Variants in DAAM1 observed in about 807,000 individuals in gnomAD.
The protein encoded by DAAM1 is dishevelled associated activator of morphogenesis 1.
DAAM1 carries 52 observed loss-of-function variants against 130.0 expected under a neutral mutation model. The observed-to-expected ratio is 0.40, with a 90% CI of 0.32 to 0.50. The LOEUF (loss-of-function observed/expected upper bound fraction) is 0.50. DAAM1 is among the 20% of genes least tolerant of loss of function. The probability of loss-of-function intolerance (pLI) is 0.61; values close to 1 mark genes in which losing one functional copy is unlikely to be tolerated. For missense variants in DAAM1, 1,134 were observed against 1,303.8 expected, an observed-to-expected ratio of 0.87 and a Z score of 2.01; for synonymous variants, 452 against 444.5, an observed-to-expected ratio of 1.02 and a Z score of -0.21.
chr14:59,371,108 A>T lies in DAAM1; in HGVS notation c.*2249A>T, dbSNP rs767630604. The T allele has an allele frequency of 4.0e-5, 1 of 25,232 alleles. No individual in the cohort carries two copies. The allele number at this position is 25,232 out of a possible 1,614,324, so 1.6% of individuals were successfully genotyped here. A position where few individuals can be genotyped will look rare whatever the true frequency, so the allele number is the denominator to read the frequency against. ...CCATTGTTGAAAAGAAAAAAAAAAA[A>T]CAAAAAAAAAACCTACTTTTTAGAT... is the stretch of plus-strand genomic sequence containing the variant. On this transcript the variant is annotated 3_prime_UTR_variant, in exon 25 of 25. Transcript: ENST00000360909.
intron 4 of DAAM1, among the ~76,000 whole-genome samples, chr14:59,319,059 C>T (rs1266970739): frequency 6.6e-6 from 1 of 152,090 alleles, no homozygotes; most frequent in Non-Finnish European, 1.5e-5. Context: ...CAAACGAGTT[C>T]AGCTATGTCA....
rs778475617 is a variant in DAAM1, at chr14:59,368,688, A to T, written c.3036A>T (p.Lys1012Asn). Reference protein sequence around the residue: ...EQRERERKMRKAKENSEESGE... With the variant: ...EQRERERKMRNAKENSEESGE... ...GTGAAAGGGAACGTAAAATGAGAAA[A>T]GCTAAAGAGAATAGTGAAGAAAGCG... The change falls in exon 25 of 25, where the codon AAA becomes AAT. Residue 1012 changes from lysine (K) to asparagine (N), a missense_variant. By Grantham distance (94) the Lys-to-Asn change is moderately conservative (BLOSUM62 0). Around this residue, in one of 3 missense-constraint regions of DAAM1, gnomAD observed 644 missense variants for 695.9 expected, o/e 0.93. Coordinates refer to ENST00000360909, the MANE Select transcript of DAAM1 (RefSeq NM_001270520.2). 7.4e-5 allele frequency: 119 copies of T among 1,613,828 alleles called. 2 individuals carry two copies. In the South Asian group the frequency reaches 1.2e-3, roughly 17 times the overall value.
chr14:59,279,541 C>T (rs1166014613), intron 2 of DAAM1, among the ~76,000 whole-genome samples: 1 of 152,136 alleles, frequency 6.6e-6, no homozygotes, highest in East Asian at 1.9e-4. Flanking sequence ...AACAATCCAG[C>T]TGTTTTGTAA....
At chr14:59,356,963 C>G (rs1566722038) in intron 20 of DAAM1, among the ~76,000 whole-genome samples, 2 of 152,234 alleles carry the variant, frequency 1.3e-5, no homozygotes. Context: ...AGCAGTCACC[C>G]ATGAACGTTG....
intron 1 of DAAM1, among the ~76,000 whole-genome samples, chr14:59,253,082 G>A (rs1234115617): frequency 1.3e-5 from 2 of 152,054 alleles, no homozygotes; most frequent in Non-Finnish European, 2.9e-5. Flanking sequence ...GTTTCATTCT[G>A]TGTTGAAATT....
At position 59,222,655 on chromosome 14, in the gene DAAM1, A is replaced by G. The variant is rs557846965; in HGVS notation, c.-38+33887A>G. Among the ~76,000 whole-genome samples the G allele has an allele frequency of 1.2e-3, 176 of 152,354 alleles. 2 individuals are homozygous for G. The highest frequency in any genetic ancestry group is 1.1e-3 in the Non-Finnish European group (78 of 68,026). On this transcript the variant is annotated intron_variant, in intron 1 of 24. Coordinates refer to ENST00000360909, the MANE Select transcript of DAAM1 (RefSeq NM_001270520.2). ...TGGGAAAAGAGGCTGACTGGCATCCATAGAATAGGTCATTCTATCCACTTG... is the reference window on the plus strand; with the variant it reads ...TGGGAAAAGAGGCTGACTGGCATCCGTAGAATAGGTCATTCTATCCACTTG...
chr14:59,198,749 CAT>C (rs372016036), intron 1 of DAAM1, among the ~76,000 whole-genome samples: 222 of 152,338 alleles, frequency 1.5e-3, no homozygotes, highest in Middle Eastern at 6.8e-3. Context: ...TTTAATCACA[CAT>C]GTTTGACACC....
intron 2 of DAAM1, among the ~76,000 whole-genome samples, chr14:59,271,554 A>G (rs1453397927): frequency 2.6e-5 from 4 of 152,182 alleles, no homozygotes; most frequent in Non-Finnish European, 5.9e-5. Context: ...AGTTGTGCCA[A>G]ATGAATTCAC....
intron 16 of DAAM1, among the ~76,000 whole-genome samples, chr14:59,346,267 A>G (rs528195072): frequency 2.6e-5 from 4 of 152,272 alleles, no homozygotes; most frequent in Admixed American, 2.0e-4. Flanking sequence ...TATCGGAGAC[A>G]GGACTGGGGC....
intron 1 of DAAM1, among the ~76,000 whole-genome samples, chr14:59,262,976 T>C (rs548446024): frequency 2.0e-4 from 30 of 152,330 alleles, no homozygotes; most frequent in Non-Finnish European, 4.0e-4. Flanking sequence ...AAAGTGGATA[T>C]ATATGTCATA....
At chr14:59,316,817 G>C (rs565288588) in intron 4 of DAAM1, among the ~76,000 whole-genome samples, 3 of 152,190 alleles carry the variant, frequency 2.0e-5, no homozygotes, top group African/African-American at 7.2e-5. Flanking sequence ...AAATTTGCAT[G>C]TTTGTTATCT....
chr14:59,350,093 C>T (rs1886232360), intron 17 of DAAM1, among the ~76,000 whole-genome samples: 1 of 152,122 alleles, frequency 6.6e-6, no homozygotes, highest in South Asian at 2.1e-4. Context: ...GAACAAGATA[C>T]ATCCTGAACA....
intron 17 of DAAM1, among the ~76,000 whole-genome samples, chr14:59,351,059 G>A (rs981313336): frequency 1.3e-4 from 18 of 141,566 alleles, no homozygotes; most frequent in Non-Finnish European, 2.5e-4. Flanking sequence ...TCCCCATCCC[G>A]GCCCACCCTA....
chr14:59,327,398 G>GTTTTTTTTTTTTTTTTTTTTT (rs1338982717), intron 12 of DAAM1, among the ~76,000 whole-genome samples: 1 of 72,772 alleles, frequency 1.4e-5, no homozygotes, highest in Non-Finnish European at 2.6e-5. Context: ...AGGTCACTTG[G>GTTTTTTTTTTTTTTTTTTTTT]TTTCTTTTTT....
intron 15 of DAAM1, among the ~76,000 whole-genome samples, chr14:59,333,896 A>G (rs1295691764): frequency 6.6e-6 from 1 of 152,224 alleles, no homozygotes. Flanking sequence ...CTGGGAGACA[A>G]GATTGCAGAA....
At chr14:59,289,769 T>TATACATATATATAC (rs1883643061) in intron 2 of DAAM1, among the ~76,000 whole-genome samples, 1 of 60,140 alleles carries the variant, frequency 1.7e-5, no homozygotes, top group Non-Finnish European at 4.7e-5. Flanking sequence ...CAAAATGTGA[T>TATACATATATATAC]ATATATATAT....
intron 1 of DAAM1, among the ~76,000 whole-genome samples, chr14:59,230,855 G>A (rs1889083485): frequency 6.6e-6 from 1 of 152,064 alleles, no homozygotes; most frequent in African/African-American, 2.4e-5. Context: ...TCACAGATAT[G>A]TACACCTATA....
intron 3 of DAAM1, among the ~76,000 whole-genome samples, chr14:59,296,035 C>A (rs67935962): frequency 0.22 from 33,070 of 152,046 alleles, 3,709 homozygotes; most frequent in East Asian, 0.33. Flanking sequence ...TAGTCTTCTG[C>A]AATTGAGTTT....
chr14:59,218,642 A>T (rs1328664128), intron 1 of DAAM1, among the ~76,000 whole-genome samples: 1 of 152,236 alleles, frequency 6.6e-6, no homozygotes, highest in African/African-American at 2.4e-5. Context: ...TTACACTAAG[A>T]TTAGATTATC....
Sources: gnomAD v4.1 joint callset for allele counts (sites outside exome capture counted in the v4.1 genomes callset) on GRCh38, gnomAD v4.1.1 for gene constraint, gnomAD v4.1.1 regional missense constraint, MANE v1.5 for transcripts, NCBI Gene and HGNC (gene_info 2026-07-23, HGNC 2026-07-21) for gene names.